Variants in KHK observed in about 807,000 individuals in gnomAD.
KHK encodes fructokinase.
Under a neutral mutation model 36.0 loss-of-function variants are expected in KHK, and 37 were observed. The observed-to-expected ratio is 1.03, with a 90% CI of 0.79 to 1.35. The LOEUF (loss-of-function observed/expected upper bound fraction) is 1.35, where lower values mean the gene tolerates loss of function less well. Among genes scored for constraint, KHK ranks in the 40% most tolerant of loss-of-function variants. KHK has a pLI of 0.00. For synonymous variants in KHK, 161 were observed against 162.8 expected (o/e 0.99, Z 0.08); for missense variants, 395 against 391.9 (o/e 1.01, Z -0.07).
intron 4 of KHK, among the ~76,000 whole-genome samples, chr2:27,097,110 G>T (rs557095059): frequency 2.4e-4 from 36 of 152,292 alleles, no homozygotes; most frequent in Admixed American, 8.5e-4. Flanking sequence ...ACTGCTTAGG[G>T]CCTGACCCAT....
In KHK at chr2:27,086,905, T is replaced by G; in HGVS notation, c.-355T>G. 1 of 207,138 alleles carries G rather than the reference T, an allele frequency of 4.8e-6. No individual in the cohort carries two copies. Among genetic ancestry groups the G allele is most frequent in the South Asian group, 1.1e-4 (1 of 9,118 alleles). 12.8% of individuals were successfully genotyped at this position (207,138 alleles called of 1,614,324 possible). A position where few individuals can be genotyped will look rare whatever the true frequency, so the allele number is the denominator to read the frequency against. On this transcript the variant is annotated 5_prime_UTR_variant, in exon 1 of 8. Coordinates refer to ENST00000260598, the MANE Select transcript of KHK (RefSeq NM_006488.3). ...ATTCTCGAGATCGCTTAGCCGCGCT[T>G]TAAAAAGGTTTGCATCAGCTGTGAG... is the stretch of plus-strand genomic sequence containing the variant.
intron 5 of KHK, among the ~76,000 whole-genome samples, chr2:27,098,048 G>C (rs1413440890): frequency 1.3e-5 from 2 of 152,150 alleles, no homozygotes; most frequent in Non-Finnish European, 2.9e-5. Flanking sequence ...GCAGGTTGTG[G>C]GGGCTGCTAG....
Position 27,100,148 on chromosome 2 carries a change from G to T in KHK, c.*398G>T, listed in dbSNP as rs1670721588. 4 of 517,278 alleles carry T rather than the reference G, an allele frequency of 7.7e-6. No homozygotes were observed. The highest frequency in any genetic ancestry group is 1.4e-5 in the Non-Finnish European group (4 of 285,584). The allele number at this position is 517,278 out of a possible 1,614,324, so 32.0% of individuals were successfully genotyped here. A position where few individuals can be genotyped will look rare whatever the true frequency, so the allele number is the denominator to read the frequency against. ...GCTTGCCACCAGCTCTGCCCTGGCT[G>T]GGGAGGACACTCGGTGCCCCACACC... On this transcript the variant is annotated 3_prime_UTR_variant, in exon 8 of 8. Transcript: ENST00000260598.
intron 2 of KHK, 163 bp from the exon 3 acceptor site, chr2:27,094,637 C>G: frequency 1.9e-6 from 3 of 1,613,998 alleles, no homozygotes; most frequent in East Asian, 4.5e-5. Flanking sequence ...TGTGCCTTGC[C>G]AGCTGCTGCC....
At chr2:27,092,576 G>T in intron 2 of KHK, 128 bp downstream of exon 2, 1 of 733,794 alleles carries the variant, frequency 1.4e-6, no homozygotes, top group Non-Finnish European at 2.4e-6. Context: ...GCGGGGAGGG[G>T]GCATGGCGGA....
rs747346841 is a variant in KHK, at chr2:27,092,424, C to T, written c.185C>T (p.Ser62Leu). The T allele has an allele frequency of 3.7e-6, 6 of 1,613,252 alleles. No homozygotes were observed. The highest frequency in any genetic ancestry group is 5.1e-6 in the Non-Finnish European group (6 of 1,179,834). Residue 62 changes from serine to leucine, a missense_variant, in exon 2 of 8, where the codon TCA becomes TTA. Coordinates refer to ENST00000260598, the MANE Select transcript of KHK (RefSeq NM_006488.3). ...GGAGCCCCCTGTGCCTTCATGGGCT[C>T]AATGGCTCCTGGCCATGTTGCTGAG... ...LLGAPCAFMG[S>L]MAPGHVADFL...
intron 1 of KHK, among the ~76,000 whole-genome samples, chr2:27,087,603 A>ATCAGGTG (rs112311122): frequency 0.057 from 8,680 of 152,186 alleles, 807 homozygotes; most frequent in African/African-American, 0.2. Context: ...CAACTCAGGC[A>ATCAGGTG]TCAGGTGTCA....
chr2:27,097,281 T>C (rs1670413220), intron 4 of KHK, among the ~76,000 whole-genome samples: 2 of 152,224 alleles, frequency 1.3e-5, no homozygotes, highest in South Asian at 4.1e-4. Flanking sequence ...TCTTTCACAG[T>C]ATCTTTTATT....
At chr2:27,090,141 C>T (rs1408676610) in intron 1 of KHK, among the ~76,000 whole-genome samples, 4 of 152,148 alleles carry the variant, frequency 2.6e-5, no homozygotes, top group Non-Finnish European at 5.9e-5. Flanking sequence ...CGTGAGCCAC[C>T]GCGCCCAGCC....
Position 27,099,220 on chromosome 2 carries a change from AAGC to A in KHK, c.591_593del (p.Lys197_His198delinsAsn). 3 of 1,614,134 alleles carry A rather than the reference AAGC, an allele frequency of 1.9e-6. No homozygotes were observed. The South Asian group carries it at 3.3e-5, about 18-fold the overall frequency. ...GGTGTTTGTCAGCAAAGATGTGGCC[AAGC>A]ACTTGGGGTTCCAGTCAGCAGAGGA... On this transcript the variant is annotated inframe_deletion, in exon 6 of 8. Transcript: ENST00000260598.
intron 2 of KHK, among the ~76,000 whole-genome samples, chr2:27,094,047 TG>T (rs1670168122): frequency 6.6e-6 from 1 of 152,150 alleles, no homozygotes; most frequent in Non-Finnish European, 1.5e-5. Context: ...GGAGGACAGC[TG>T]GGGGCAAAGT....
chr2:27,086,980 AT>A lies in KHK; in HGVS notation c.-279del. Reference sequence around the variant, plus strand: ...AGGCTGAGAAGTGGGAGGCGTTGCCATCTGCAGGCCCAGGCAACCTGCTACG... The same window carrying A: ...AGGCTGAGAAGTGGGAGGCGTTGCCACTGCAGGCCCAGGCAACCTGCTACG... On this transcript the variant is annotated 5_prime_UTR_variant, in exon 1 of 8. Coordinates refer to ENST00000260598, the MANE Select transcript of KHK (RefSeq NM_006488.3). 1 of 384,462 alleles carries A rather than the reference AT, an allele frequency of 2.6e-6. No homozygotes were observed. Among genetic ancestry groups the A allele is most frequent in the Non-Finnish European group, 4.8e-6 (1 of 210,198 alleles). The allele number at this position is 384,462 out of a possible 1,614,324, so 23.8% of individuals were successfully genotyped here. A position where few individuals can be genotyped will look rare whatever the true frequency, so the allele number is the denominator to read the frequency against.
chr2:27,088,377 G>A (rs1039698673), intron 1 of KHK, among the ~76,000 whole-genome samples: 6 of 152,020 alleles, frequency 3.9e-5, no homozygotes, highest in Non-Finnish European at 7.4e-5. Context: ...AAAGTACTGG[G>A]ATTACAGGCA....
chr2:27,099,909 G>A lies in KHK; in HGVS notation c.*159G>A, dbSNP rs886055892. The A allele has an allele frequency of 2.7e-6, 4 of 1,490,934 alleles. No homozygotes were observed. In the East Asian group the frequency reaches 7.4e-5, roughly 28 times the overall value. 92.4% of individuals were successfully genotyped at this position (1,490,934 alleles called of 1,614,324 possible). A position where few individuals can be genotyped will look rare whatever the true frequency, so the allele number is the denominator to read the frequency against. On this transcript the variant is annotated 3_prime_UTR_variant, in exon 8 of 8. Transcript: ENST00000260598. ...TGTCCTGTGTTCCCCACAGGGAGAG[G>A]CTCTGGGGGGATGGCTGGGGGATGC... is the stretch of plus-strand genomic sequence containing the variant.
chr2:27,100,325 C>G lies in KHK; in HGVS notation c.*575C>G. 1.2e-6 allele frequency: 1 copy of G among 858,224 alleles called. No homozygotes were observed. The highest frequency in any genetic ancestry group is 1.7e-6 in the Non-Finnish European group (1 of 603,430). The allele number at this position is 858,224 out of a possible 1,614,324, so 53.2% of individuals were successfully genotyped here. ...GGTGCGCCTCCTCTGCCCTGCCCAC[C>G]AGCCTGTGATTTGATGGGGTCTTCA... is the stretch of plus-strand genomic sequence containing the variant. On this transcript the variant is annotated 3_prime_UTR_variant, in exon 8 of 8. Transcript: ENST00000260598.
intron 1 of KHK, chr2:27,088,126 T>C (rs1382652162): frequency 7.5e-6 from 1 of 134,002 alleles, no homozygotes; most frequent in East Asian, 2.0e-4. Flanking sequence ...TTTTTTTTTT[T>C]GAGACAGGGT....
In KHK at chr2:27,098,726, T is replaced by G. The variant is rs60505209; in HGVS notation, c.565-470T>G. 7.1e-3 allele frequency among the ~76,000 whole-genome samples: 1,076 copies of G among 152,302 alleles called. 11 individuals carry two copies. Among genetic ancestry groups the G allele is most frequent in the African/African-American group, 0.025 (1,025 of 41,560 alleles). ...AAGAAACCATACCTAGAGGACATAG[T>G]TGTGGGAAAAACCAGCAAAACTGCT... On this transcript the variant is annotated intron_variant, in intron 5 of 7. Coordinates refer to ENST00000260598, the MANE Select transcript of KHK (RefSeq NM_006488.3).
Position 27,100,489 on chromosome 2 carries a change from G to C in KHK, c.*739G>C, listed in dbSNP as rs751242318. On this transcript the variant is annotated 3_prime_UTR_variant, in exon 8 of 8. Transcript: ENST00000260598. ...AGTGTTGCTGTCCTCAGGGAGGTCC[G>C]ATCTGGAACACATATTGGAATTGGG... The C allele has an allele frequency of 7.0e-6, 9 of 1,290,900 alleles. No homozygotes were observed. The highest frequency in any genetic ancestry group is 4.6e-5 in the African/African-American group (3 of 65,840). 80.0% of individuals were successfully genotyped at this position (1,290,900 alleles called of 1,614,324 possible). A position where few individuals can be genotyped will look rare whatever the true frequency, so the allele number is the denominator to read the frequency against.
At chr2:27,095,041 G>C (rs1670255366) in intron 3 of KHK, 107 bp downstream of exon 3, 1 of 1,339,104 alleles carries the variant, frequency 7.5e-7, no homozygotes, top group African/African-American at 1.4e-5. Context: ...TGTGGCTTCT[G>C]TGTACCAGAA....
Sources: allele counts gnomAD v4.1 joint callset (sites outside exome capture counted in the v4.1 genomes callset), GRCh38; gene constraint gnomAD v4.1.1; transcripts MANE v1.5; gene names NCBI Gene and HGNC (gene_info 2026-07-23, HGNC 2026-07-21).